Variants in SEL1L2 observed in about 807,000 individuals in gnomAD.
The protein encoded by SEL1L2 is protein sel-1 homolog 2.
SEL1L2 carries 89 observed loss-of-function variants against 98.8 expected under a neutral mutation model. That is an observed-to-expected ratio of 0.90 (90% CI 0.76 to 1.07). The LOEUF (loss-of-function observed/expected upper bound fraction) is 1.07. Among genes scored for constraint, SEL1L2 ranks in the 50% least tolerant of loss-of-function variants. The pLI is 0.00. For synonymous variants in SEL1L2, 262 were observed against 278.5 expected (o/e 0.94, Z 0.59); for missense variants, 788 against 812.0 (o/e 0.97, Z 0.36).
At chr20:13,984,442 A>C (rs1292128156) in intron 1 of SEL1L2, among the ~76,000 whole-genome samples, 1 of 152,144 alleles carries the variant, frequency 6.6e-6, no homozygotes, top group East Asian at 1.9e-4. Context: ...CATTGTTGGC[A>C]ATTTCTATGT....
chr20:13,877,438 C>A, intron 11 of SEL1L2, 82 bp downstream of exon 11: 3 of 1,099,986 alleles, frequency 2.7e-6, no homozygotes, highest in Admixed American at 1.9e-5. Flanking sequence ...GTAGCTGGGA[C>A]AACAGGCACA....
At chr20:13,943,554 C>T (rs969067656) in intron 2 of SEL1L2, among the ~76,000 whole-genome samples, 22 of 150,258 alleles carry the variant, frequency 1.5e-4, no homozygotes, top group Middle Eastern at 3.5e-3. Context: ...AGTTTCTGTT[C>T]ATTCCTTGAT....
At chr20:13,968,514 T>A (rs894385151) in intron 1 of SEL1L2, among the ~76,000 whole-genome samples, 1 of 152,222 alleles carries the variant, frequency 6.6e-6, no homozygotes, top group African/African-American at 2.4e-5. Context: ...TATTAACTGA[T>A]GACAATATTA....
At chr20:13,937,665 C>T (rs1228326019) in intron 2 of SEL1L2, among the ~76,000 whole-genome samples, 1 of 152,194 alleles carries the variant, frequency 6.6e-6, no homozygotes, top group Non-Finnish European at 1.5e-5. Flanking sequence ...TCTGCATTCT[C>T]TAAAGCTGAC....
chr20:13,919,374 G>A (rs2048552330), intron 3 of SEL1L2, among the ~76,000 whole-genome samples: 1 of 152,198 alleles, frequency 6.6e-6, no homozygotes, highest in Non-Finnish European at 1.5e-5. Flanking sequence ...AGTAGAAAGA[G>A]AGATGCTCCT....
chr20:13,962,297 T>TCG (rs1340421540), intron 1 of SEL1L2, among the ~76,000 whole-genome samples: 8 of 152,356 alleles, frequency 5.3e-5, no homozygotes, highest in African/African-American at 1.9e-4. Context: ...GGCTGCCGTT[T>TCG]TGACTTTCTT....
chr20:13,880,132 A>C (rs750033152), intron 10 of SEL1L2, among the ~76,000 whole-genome samples: 1 of 152,246 alleles, frequency 6.6e-6, no homozygotes, highest in Non-Finnish European at 1.5e-5. Flanking sequence ...CATCTCTAAA[A>C]CAAGGCAGCT....
At chr20:13,926,231 C>T (rs187381270) in intron 3 of SEL1L2, among the ~76,000 whole-genome samples, 333 of 152,246 alleles carry the variant, frequency 2.2e-3, no homozygotes, top group Middle Eastern at 0.01. Context: ...AGGAGAATGG[C>T]GTGAACCCTG....
chr20:13,853,556 A>C (rs1022943361), intron 18 of SEL1L2, among the ~76,000 whole-genome samples: 3 of 152,158 alleles, frequency 2.0e-5, no homozygotes, highest in Non-Finnish European at 2.9e-5. Flanking sequence ...TATTGTAATA[A>C]TGGTTAATAT....
chr20:13,972,245 AAC>A (rs2051319174), intron 1 of SEL1L2, among the ~76,000 whole-genome samples: 1 of 152,220 alleles, frequency 6.6e-6, no homozygotes, highest in African/African-American at 2.4e-5. Context: ...GCATATTTGC[AAC>A]ACAGATTCAT....
intron 15 of SEL1L2, 83 bp from the exon 16 acceptor site, chr20:13,865,597 G>A: frequency 8.4e-7 from 1 of 1,194,696 alleles, no homozygotes; most frequent in South Asian, 1.5e-5. Flanking sequence ...TCAGTCTTCA[G>A]CTCCTACCAG....
chr20:13,926,654 C>T (rs1054698513), intron 3 of SEL1L2, among the ~76,000 whole-genome samples: 17 of 152,244 alleles, frequency 1.1e-4, no homozygotes, highest in Admixed American at 7.2e-4. Context: ...TGTCTAGAGA[C>T]TGTACTCCAG....
intron 12 of SEL1L2, 139 bp downstream of exon 12, chr20:13,875,899 T>C: frequency 2.9e-6 from 2 of 701,138 alleles, no homozygotes; most frequent in Non-Finnish European, 5.1e-6. Flanking sequence ...TCACCAGTAT[T>C]ATACTTCTCC....
chr20:13,964,447 ATTTTT>A (rs369646828), intron 1 of SEL1L2, among the ~76,000 whole-genome samples: 18 of 111,472 alleles, frequency 1.6e-4, no homozygotes, highest in African/African-American at 2.5e-4. Context: ...CTATCTCTTC[ATTTTT>A]TTTTTTTTTT....
At chr20:13,916,299 G>A (rs554609789) in intron 4 of SEL1L2, among the ~76,000 whole-genome samples, 4 of 152,280 alleles carry the variant, frequency 2.6e-5, no homozygotes, top group East Asian at 1.9e-4. Flanking sequence ...AGGAATGAGC[G>A]GGAATGAAAT....
At chr20:13,981,532 TA>T (rs2148552485) in intron 1 of SEL1L2, among the ~76,000 whole-genome samples, 1 of 152,344 alleles carries the variant, frequency 6.6e-6, no homozygotes, top group Admixed American at 6.5e-5. Context: ...AACATATACA[TA>T]TATCAAAACA....
chr20:13,903,559 G>A (rs568753119), intron 5 of SEL1L2, among the ~76,000 whole-genome samples: 19 of 152,182 alleles, frequency 1.2e-4, no homozygotes, highest in Middle Eastern at 3.4e-3. Flanking sequence ...CTGACTAGTC[G>A]AAGAAGTATT....
At chr20:13,987,366 GAC>G (rs2052271206) in intron 1 of SEL1L2, among the ~76,000 whole-genome samples, 1 of 145,556 alleles carries the variant, frequency 6.9e-6, no homozygotes, top group Non-Finnish European at 1.5e-5. Flanking sequence ...TTCTTTTTGA[GAC>G]AGAGTCTTGT....
rs1003333123 is a variant in SEL1L2 at position 13,884,178 on chromosome 20, T to C, written c.957+1169A>G. 2.6e-5 allele frequency among the ~76,000 whole-genome samples: 4 copies of C among 152,336 alleles called. No homozygotes were observed. The South Asian group carries it at 6.2e-4, about 24-fold the overall frequency. On this transcript the variant is annotated intron_variant, in intron 10 of 19. Transcript: ENST00000284951. ...GAAATGCAAAGTAGTAACAGATTAC[T>C]TTTTTACGTAATAGCCTTATAAAGT... is the stretch of plus-strand genomic sequence containing the variant.
Sources: allele counts gnomAD v4.1 joint callset (sites outside exome capture counted in the v4.1 genomes callset), GRCh38; gene constraint gnomAD v4.1.1; transcripts MANE v1.5; gene names NCBI Gene and HGNC (gene_info 2026-07-23, HGNC 2026-07-21).